The following MTCL2 variants were observed in gnomAD, a reference collection of about 807,000 sequenced individuals.
The protein encoded by MTCL2 is microtubule cross-linking factor 2.
the MTCL2 span, among the ~76,000 whole-genome samples, chr20:36,799,352 C>T: frequency 1.3e-5 from 2 of 152,000 alleles, no homozygotes; most frequent in African/African-American, 2.4e-5. Flanking sequence ...ATTAGACAGG[C>T]GTGGTGGTAT....
the MTCL2 span, chr20:36,817,600 G>C: frequency 1.3e-6 from 1 of 750,162 alleles, no homozygotes; most frequent in Non-Finnish European, 2.1e-6. Context: ...ACCCCACCCT[G>C]ATGGCACTGA....
chr20:36,858,135 A>G, the MTCL2 span, among the ~76,000 whole-genome samples: 2 of 152,162 alleles, frequency 1.3e-5, no homozygotes, highest in Non-Finnish European at 2.9e-5. Flanking sequence ...TGCAGAAAGA[A>G]CAGGCCCAGA....
At chr20:36,794,519 C>A in the MTCL2 span, 1 of 1,614,048 alleles carries the variant, frequency 6.2e-7, no homozygotes, top group Non-Finnish European at 8.5e-7. This position sits in a 1 kb window ranked among gnomAD's most constrained non-coding sequence, Gnocchi z 5.4. Context: ...CAGCTTCTTG[C>A]CCCGGGCATC....
chr20:36,783,631 G>C, the MTCL2 span: 9 of 281,502 alleles, frequency 3.2e-5, no homozygotes, highest in Non-Finnish European at 4.8e-5. Flanking sequence ...CAGGAGGAAG[G>C]GGGAGAACGG....
the MTCL2 span, chr20:36,862,912 C>T: frequency 7.7e-7 from 1 of 1,300,452 alleles, no homozygotes; most frequent in East Asian, 3.7e-5. Flanking sequence ...GCCGCGGACT[C>T]GGCGTCGCTG....
At chr20:36,828,444 A>G in the MTCL2 span, among the ~76,000 whole-genome samples, 139 of 152,280 alleles carry the variant, frequency 9.1e-4, no homozygotes, top group South Asian at 2.5e-3. Context: ...CTGTATACCC[A>G]ACACACAACA....
At chr20:36,863,029 C>T in the MTCL2 span, 1 of 1,401,486 alleles carries the variant, frequency 7.1e-7, no homozygotes, top group Non-Finnish European at 9.3e-7. This position sits in a 1 kb window ranked among gnomAD's most constrained non-coding sequence, Gnocchi z 6.2. Flanking sequence ...GGTCGCGGCC[C>T]CGCACCCGAG....
the MTCL2 span, among the ~76,000 whole-genome samples, chr20:36,851,775 T>G: frequency 6.6e-6 from 1 of 152,186 alleles, no homozygotes; most frequent in African/African-American, 2.4e-5. Flanking sequence ...GGATGTGATG[T>G]CAGGAGGACA....
chr20:36,804,412 A>C, the MTCL2 span, among the ~76,000 whole-genome samples: 6 of 152,196 alleles, frequency 3.9e-5, no homozygotes, highest in Non-Finnish European at 5.9e-5. Context: ...AGAGCCAGGC[A>C]GTTGGGGCTG....
chr20:36,834,489 C>T, the MTCL2 span, among the ~76,000 whole-genome samples: 1 of 152,148 alleles, frequency 6.6e-6, no homozygotes, highest in African/African-American at 2.4e-5. Context: ...TATCCGGTCT[C>T]AGCTCCTCAC....
chr20:36,834,162 CAAA>C, the MTCL2 span, among the ~76,000 whole-genome samples: 9 of 100,668 alleles, frequency 8.9e-5, no homozygotes, highest in Admixed American at 1.1e-4. Context: ...GACTTCATCT[CAAA>C]AAAAAAAAAA....
chr20:36,787,758 C>A, the MTCL2 span, among the ~76,000 whole-genome samples: 1 of 148,770 alleles, frequency 6.7e-6, no homozygotes, highest in Non-Finnish European at 1.5e-5. Context: ...TGGTGGCATG[C>A]GCCTGTAGTC....
chr20:36,827,620 C>A, the MTCL2 span, among the ~76,000 whole-genome samples: 14,337 of 152,046 alleles, frequency 0.094, 1,178 homozygotes, highest in East Asian at 0.34. Context: ...GTGTGAGCCA[C>A]CGTGCAGGCT....
At chr20:36,811,100 T>C in the MTCL2 span, among the ~76,000 whole-genome samples, 12 of 152,118 alleles carry the variant, frequency 7.9e-5, no homozygotes, top group East Asian at 7.7e-4. Flanking sequence ...ATATGGTCAA[T>C]AATATGATGA....
the MTCL2 span, among the ~76,000 whole-genome samples, chr20:36,857,198 CTGAG>C: frequency 3.9e-5 from 6 of 152,124 alleles, no homozygotes; most frequent in African/African-American, 1.4e-4. Flanking sequence ...TCTGATAAGT[CTGAG>C]TGTGTCTGCA....
the MTCL2 span, among the ~76,000 whole-genome samples, chr20:36,851,848 C>A: frequency 5.9e-5 from 9 of 152,168 alleles, no homozygotes; most frequent in Non-Finnish European, 1.0e-4. Flanking sequence ...AATGAATACA[C>A]AGGCCCTCAG....
chr20:36,832,472 C>T, the MTCL2 span, among the ~76,000 whole-genome samples: 3 of 152,204 alleles, frequency 2.0e-5, no homozygotes, highest in Admixed American at 2.0e-4. Flanking sequence ...TTCCCCAGTT[C>T]CCTTCTGCCC....
the MTCL2 span, chr20:36,794,552 C>A: frequency 4.3e-6 from 7 of 1,613,944 alleles, no homozygotes; most frequent in Middle Eastern, 1.6e-4. The surrounding 1 kb of genome is among the most constrained non-coding windows in gnomAD (Gnocchi z 5.4). Context: ...GTAAGGGGAA[C>A]AGTCGAGCAA....
the MTCL2 span, chr20:36,797,651 C>G: frequency 7.5e-7 from 1 of 1,330,482 alleles, no homozygotes; most frequent in South Asian, 1.3e-5. Context: ...AGGCCATTCC[C>G]CAGACTCCAC....
Sources: gnomAD v4.1 joint callset for allele counts (sites outside exome capture counted in the v4.1 genomes callset) on GRCh38, gnomAD v4.1.1 for gene constraint, Gnocchi (gnomAD v3.1) non-coding constraint, MANE v1.5 for transcripts, NCBI Gene and HGNC (gene_info 2026-07-23, HGNC 2026-07-21) for gene names.